NTRK2: variants seen among roughly 807,000 people sequenced by gnomAD.
The protein encoded by NTRK2 is neurotrophic receptor tyrosine kinase 2.
In NTRK2, 13 loss-of-function variants were observed where a neutral mutation model predicts 94.5. That is an observed-to-expected ratio of 0.14 (90% CI 0.09 to 0.22). NTRK2 has a LOEUF of 0.22. Ranked by LOEUF, NTRK2 falls within the 10% of genes least tolerant of loss-of-function variation. The probability of loss-of-function intolerance (pLI) is 1.00; values close to 1 mark genes in which losing one functional copy is unlikely to be tolerated. For synonymous variants in NTRK2, 372 were observed against 407.4 expected (o/e 0.91, Z 1.05); for missense variants, 639 against 1,071.2 (o/e 0.60, Z 5.63).
intron 14 of NTRK2, among the ~76,000 whole-genome samples, chr9:84,927,549 T>C (rs921299915): frequency 6.6e-6 from 1 of 152,104 alleles, no homozygotes; most frequent in African/African-American, 2.4e-5. Flanking sequence ...GAAATAGACC[T>C]CTGATTTCCT....
At chr9:84,769,436 G>C (rs374037112) in intron 12 of NTRK2, among the ~76,000 whole-genome samples, 63 of 152,240 alleles carry the variant, frequency 4.1e-4, no homozygotes, top group African/African-American at 1.2e-3. Flanking sequence ...AAGATGTAGA[G>C]GCATAAGAAA....
intron 17 of NTRK2, among the ~76,000 whole-genome samples, chr9:84,980,077 G>A (rs1454875685): frequency 2.0e-5 from 3 of 152,126 alleles, no homozygotes; most frequent in Non-Finnish European, 2.9e-5. Context: ...GGTATGGAAC[G>A]GACCCTGCAA....
rs71369158 is a variant in NTRK2 at position 84,888,611 on chromosome 9, CAAAAAAAAAAAAAAAAAA to C, written c.1633+21201_1633+21218del. Among the ~76,000 whole-genome samples the C allele has an allele frequency of 5.9e-3, 200 of 33,848 alleles. 2 individuals are homozygous for C. Among genetic ancestry groups the C allele is most frequent in the East Asian group, 0.022 (8 of 372 alleles). 22.2% of individuals were successfully genotyped at this position (33,848 alleles called of 152,430 possible). Reference sequence around the variant, plus strand: ...CTGGCGACAGAGCAACACTCCATCTCAAAAAAAAAAAAAAAAAAAAAAAAAAAAAAAAAAAAAAGTGGC... The same window carrying C: ...CTGGCGACAGAGCAACACTCCATCTCAAAAAAAAAAAAAAAAAAAAGTGGC... On this transcript the variant is annotated intron_variant, in intron 14 of 18. Transcript: ENST00000277120.
chr9:84,923,320 A>G (rs1364316978), intron 14 of NTRK2, among the ~76,000 whole-genome samples: 2 of 152,200 alleles, frequency 1.3e-5, no homozygotes, highest in African/African-American at 4.8e-5. Flanking sequence ...CCAGCTGCAG[A>G]ACACTTTGCT....
At chr9:84,759,287 GTCTA>G (rs2065342464) in intron 12 of NTRK2, among the ~76,000 whole-genome samples, 1 of 152,220 alleles carries the variant, frequency 6.6e-6, no homozygotes, top group African/African-American at 2.4e-5. Flanking sequence ...TTTGGCTTCT[GTCTA>G]TCTGAGAGCA....
At chr9:85,011,924 C>A (rs1588182950) in intron 17 of NTRK2, among the ~76,000 whole-genome samples, 3 of 143,946 alleles carry the variant, frequency 2.1e-5, no homozygotes, top group Non-Finnish European at 4.6e-5. Context: ...CTGACCTACC[C>A]CACAGGACTA....
chr9:84,872,002 T>G, intron 14 of NTRK2: 1 of 1,514,038 alleles, frequency 6.6e-7, no homozygotes, highest in Non-Finnish European at 8.8e-7. Context: ...CAAAGCAGTG[T>G]GCTCTAATGA....
At chr9:84,811,067 T>C in intron 12 of NTRK2, 1 of 1,075,066 alleles carries the variant, frequency 9.3e-7, no homozygotes. Context: ...TGTGATTTTC[T>C]ATACTCTAAT....
Position 84,925,977 on chromosome 9 carries a change from G to A in NTRK2, c.1634-8185G>A, listed in dbSNP as rs962787892. ...AGTCCAAACTCCCTTATTTAACAATGAGGAAGGGGAGGCACAGAGAAGGAA... is the reference window on the plus strand; with the variant it reads ...AGTCCAAACTCCCTTATTTAACAATAAGGAAGGGGAGGCACAGAGAAGGAA... On this transcript the variant is annotated intron_variant, in intron 14 of 18. Transcript: ENST00000277120. Among the ~76,000 whole-genome samples the A allele has an allele frequency of 5.3e-5, 8 of 152,218 alleles. No individual in the cohort carries two copies. The South Asian group carries it at 8.3e-4, about 16-fold the overall frequency.
intron 14 of NTRK2, among the ~76,000 whole-genome samples, chr9:84,887,523 T>C (rs2076454557): frequency 6.6e-6 from 1 of 152,210 alleles, no homozygotes; most frequent in Admixed American, 6.5e-5. Flanking sequence ...TATGATGCCT[T>C]TAAAGGCCTC....
At chr9:84,824,336 G>T (rs534522823) in intron 12 of NTRK2, among the ~76,000 whole-genome samples, 2 of 152,358 alleles carry the variant, frequency 1.3e-5, no homozygotes, top group African/African-American at 4.8e-5. Flanking sequence ...GGCTGAGCCA[G>T]AATTCAGAAA....
chr9:84,843,209 G>A (rs528902860), intron 12 of NTRK2, among the ~76,000 whole-genome samples: 2 of 152,280 alleles, frequency 1.3e-5, no homozygotes, highest in African/African-American at 4.8e-5. Context: ...AACATTTTAA[G>A]TTAGTGGGTT....
chr9:84,876,727 C>T (rs1354347720), intron 14 of NTRK2: 1 of 1,060,790 alleles, frequency 9.4e-7, no homozygotes, highest in Non-Finnish European at 1.1e-6. Context: ...TTCCTAATTT[C>T]ATTAGTGCCA....
intron 12 of NTRK2, among the ~76,000 whole-genome samples, chr9:84,758,159 G>A (rs900076026): frequency 9.9e-5 from 15 of 151,654 alleles, no homozygotes; most frequent in African/African-American, 3.4e-4. Context: ...CATGATATTT[G>A]TGGCTCATAT....
intron 2 of NTRK2, among the ~76,000 whole-genome samples, chr9:84,694,353 G>A (rs1252509003): frequency 6.6e-6 from 1 of 152,196 alleles, no homozygotes; most frequent in African/African-American, 2.4e-5. Context: ...GGAGTTACTG[G>A]TGCTACTTCA....
chr9:84,689,283 C>T (rs924507605), intron 2 of NTRK2, among the ~76,000 whole-genome samples: 1 of 152,226 alleles, frequency 6.6e-6, no homozygotes, highest in Non-Finnish European at 1.5e-5. Flanking sequence ...CCTTTGCATG[C>T]CCTTTGGCTT....
chr9:85,015,431 C>A (rs969126200), intron 17 of NTRK2, among the ~76,000 whole-genome samples: 2 of 152,044 alleles, frequency 1.3e-5, no homozygotes, highest in Admixed American at 6.6e-5. Context: ...TTGGTTCTAT[C>A]GAGAGTTTAC....
intron 12 of NTRK2, among the ~76,000 whole-genome samples, chr9:84,772,274 C>G (rs533822782): frequency 6.6e-6 from 1 of 151,756 alleles, no homozygotes; most frequent in Non-Finnish European, 1.5e-5. Context: ...TTTTTTGAGA[C>G]AGAGTCTCAC....
At chr9:84,734,074 G>A (rs1053185276) in intron 9 of NTRK2, among the ~76,000 whole-genome samples, 8 of 152,196 alleles carry the variant, frequency 5.3e-5, no homozygotes, top group African/African-American at 1.4e-4. Context: ...TGATCTTTGC[G>A]GCTTTGAGCA....
Sources: allele counts gnomAD v4.1 joint callset (sites outside exome capture counted in the v4.1 genomes callset), GRCh38; gene constraint gnomAD v4.1.1; transcripts MANE v1.5; gene names NCBI Gene and HGNC (gene_info 2026-07-23, HGNC 2026-07-21).